The following GGT7 variants were observed in gnomAD, a reference collection of about 807,000 sequenced individuals.
GGT7 encodes gamma-glutamyltransferase 7.
GGT7 carries 30 observed loss-of-function variants against 69.2 expected under a neutral mutation model. That is an observed-to-expected ratio of 0.43 (90% CI 0.32 to 0.59). The LOEUF is 0.59. Ranked by LOEUF, GGT7 falls within the 20% of genes least tolerant of loss-of-function variation. The pLI is 0.05. For missense variants in GGT7, 733 were observed against 901.1 expected (o/e 0.81, Z 2.39); for synonymous variants, 388 against 391.8 (o/e 0.99, Z 0.12).
chr20:34,849,276 C>T (rs560840403), intron 14 of GGT7, among the ~76,000 whole-genome samples: 1 of 151,664 alleles, frequency 6.6e-6, no homozygotes, highest in Admixed American at 6.6e-5. Flanking sequence ...AATTCTCCTG[C>T]CTCAGCCTCC....
intron 1 of GGT7, among the ~76,000 whole-genome samples, chr20:34,868,313 TACCTACTATGTGC>T (rs1456215612): frequency 2.0e-5 from 3 of 152,248 alleles, no homozygotes; most frequent in Non-Finnish European, 4.4e-5. Context: ...ATTTACTGAG[TACCTACTATGTGC>T]ACTGTGGAAC....
chr20:34,870,143 G>A (rs1416914824), intron 1 of GGT7, among the ~76,000 whole-genome samples: 5 of 152,230 alleles, frequency 3.3e-5, no homozygotes, highest in Non-Finnish European at 7.3e-5. Context: ...GTGAACCGAG[G>A]AAGCCTTGGG....
rs146695300 is a variant in GGT7, at chr20:34,859,585, G to A, written c.872C>T (p.Thr291Met). The part of the protein sequence containing the change: ...PPNMSERFRE[T>M]FLPSGRPPLP... ...TGGCGGGCGGCCCGATGGCAGGAAC[G>A]TCTCCCGGAAGCGCTCGGACATGTT... Residue 291 changes from threonine (T) to methionine (M), a missense_variant, in exon 7 of 15, where the codon ACG (threonine) becomes ATG (methionine). Transcript: ENST00000336431. 2.2e-4 allele frequency: 347 copies of A among 1,603,328 alleles called. No individual in the cohort carries two copies. The highest frequency in any genetic ancestry group is 2.9e-4 in the Non-Finnish European group (335 of 1,175,256).
rs1261824323 is a variant in GGT7 at position 34,857,116 on chromosome 20, G to A, written c.1015-223C>T. 2.0e-5 allele frequency among the ~76,000 whole-genome samples: 3 copies of A among 152,094 alleles called. No homozygotes were observed. The South Asian group carries it at 6.2e-4, about 32-fold the overall frequency. ...CCTATCATGTGCCAGGCATCACACTGGGTACATTCCATGAATGACCTCCTT... is the reference window on the plus strand; with the variant it reads ...CCTATCATGTGCCAGGCATCACACTAGGTACATTCCATGAATGACCTCCTT... On this transcript the variant is annotated intron_variant, in intron 7 of 14. Transcript: ENST00000336431.
At position 34,872,707 on chromosome 20, in the gene GGT7, G is replaced by A; in HGVS notation, c.109C>T (p.Pro37Ser). The change falls in exon 1 of 15, where the codon CCC (proline) becomes TCC (serine). Residue 37 changes from proline to serine, a missense_variant. Coordinates refer to ENST00000336431, the MANE Select transcript of GGT7 (RefSeq NM_178026.3). ...TTGCGGCCCCTCAGCGGGGCCGCGG[G>A]CGCCGGCTCGTCCTCGGGCAGCCGC... ...FPRLPEDEPAPAAPLRGRKDE... is the reference protein window; with the variant it reads ...FPRLPEDEPASAAPLRGRKDE... The A allele has an allele frequency of 6.7e-7, 1 of 1,487,400 alleles. No individual in the cohort carries two copies. The highest frequency in any genetic ancestry group is 8.9e-7 in the Non-Finnish European group (1 of 1,122,932). 92.1% of individuals were successfully genotyped at this position (1,487,400 alleles called of 1,614,324 possible).
intron 13 of GGT7, 165 bp downstream of exon 13, chr20:34,851,066 C>G: frequency 1.3e-6 from 1 of 792,306 alleles, no homozygotes; most frequent in South Asian, 1.6e-5. Context: ...AGAAACTCAG[C>G]GCAGCCCATG....
Position 34,845,123 on chromosome 20 carries a change from A to G in GGT7, c.*205T>C. 2.6e-6 allele frequency: 1 copy of G among 389,054 alleles called. No homozygotes were observed. 24.1% of individuals were successfully genotyped at this position (389,054 alleles called of 1,614,324 possible). On this transcript the variant is annotated 3_prime_UTR_variant, in exon 15 of 15. Transcript: ENST00000336431. ...GTAGATGCTGACACTCACCACCACCACCACCACCACCACCACCACCACCAC... is the reference window on the plus strand; with the variant it reads ...GTAGATGCTGACACTCACCACCACCGCCACCACCACCACCACCACCACCAC...
rs758733974 is a variant in GGT7 at position 34,863,500 on chromosome 20, G to A, written c.218C>T (p.Ser73Leu). The change falls in exon 2 of 15, where the codon TCG becomes TTG. Residue 73 changes from serine (S) to leucine (L), a missense_variant. Coordinates refer to ENST00000336431, the MANE Select transcript of GGT7 (RefSeq NM_178026.3). The surrounding 1 kb of genome is among the most constrained non-coding windows in gnomAD (Gnocchi z 4.4). ...KSARLQRLPS[S>L]SSEMGSQDGS... ...GTCTTGGCTGCCCATCTCCGACGAC[G>A]ACGATGGCAGCCGCTGCAGCCGTGC... 4.4e-6 allele frequency: 7 copies of A among 1,601,118 alleles called. No individual in the cohort carries two copies. Among genetic ancestry groups the A allele is most frequent in the Non-Finnish European group, 3.4e-6 (4 of 1,174,210 alleles).
At chr20:34,864,794 G>A (rs1260554784) in intron 1 of GGT7, among the ~76,000 whole-genome samples, 1 of 151,720 alleles carries the variant, frequency 6.6e-6, no homozygotes. Flanking sequence ...TTTACCCTAA[G>A]GACTATGGGA....
chr20:34,849,560 T>C (rs1437583395), intron 14 of GGT7, among the ~76,000 whole-genome samples: 3 of 152,200 alleles, frequency 2.0e-5, no homozygotes, highest in Non-Finnish European at 4.4e-5. Context: ...GCTTTGACAG[T>C]TGGCAGAGCA....
In GGT7 at chr20:34,856,801, G is replaced by A. The variant is rs1207830003; in HGVS notation, c.1102+5C>T. On this transcript the variant is annotated splice_donor_5th_base_variant and intron_variant, in intron 8 of 14. Transcript: ENST00000336431. ...GGGGACCCTGGGAGCCGGGGGAGAGGTCACCTCTGTACACGCCACACACAG... is the reference window on the plus strand; with the variant it reads ...GGGGACCCTGGGAGCCGGGGGAGAGATCACCTCTGTACACGCCACACACAG... 3 of 1,580,020 alleles carry A rather than the reference G, an allele frequency of 1.9e-6. No individual in the cohort carries two copies. Among genetic ancestry groups the A allele is most frequent in the East Asian group, 2.2e-5 (1 of 44,532 alleles).
rs191585680 is a variant in GGT7 at position 34,860,820 on chromosome 20, G to T, written c.676-499C>A. On this transcript the variant is annotated intron_variant, in intron 4 of 14. Transcript: ENST00000336431. Reference sequence around the variant, plus strand: ...AAGTCTCACTATGTCACTCAGGCTGGTCTCAAACTCCTGGCCTCAAGCAAT... The same window carrying T: ...AAGTCTCACTATGTCACTCAGGCTGTTCTCAAACTCCTGGCCTCAAGCAAT... Among the ~76,000 whole-genome samples, 332 of 152,152 alleles carry T rather than the reference G, an allele frequency of 2.2e-3. 1 individual carries two copies. The highest frequency in any genetic ancestry group is 7.7e-3 in the African/African-American group (318 of 41,494).
intron 7 of GGT7, among the ~76,000 whole-genome samples, chr20:34,857,654 G>A (rs1319486368): frequency 5.4e-5 from 6 of 111,812 alleles, no homozygotes; most frequent in Admixed American, 1.3e-4. Context: ...GTCTCATTCT[G>A]TCGCCCAGGC....
Position 34,845,487 on chromosome 20 carries a change from C to A in GGT7, c.1830G>T (p.Glu610Asp), listed in dbSNP as rs1475615020. ...GGAACTCAATCTCTTCCTCTGTGAA[C>A]TCACCTGAAAACCATCCCCGACATA... Reference protein sequence around the residue: ...LQSNLLQVDSEFTEEEIEFLE... With the variant: ...LQSNLLQVDSDFTEEEIEFLE... Residue 610 changes from glutamate to aspartate, a missense_variant, in exon 15 of 15, where the codon GAG becomes GAT. By Grantham distance (45) the Glu-to-Asp change is conservative. Coordinates refer to ENST00000336431, the MANE Select transcript of GGT7 (RefSeq NM_178026.3). 6.2e-7 allele frequency: 1 copy of A among 1,613,752 alleles called. No individual in the cohort carries two copies. Among genetic ancestry groups the A allele is most frequent in the Admixed American group, 1.7e-5 (1 of 60,004 alleles).
At position 34,863,644 on chromosome 20, in the gene GGT7, T is replaced by C; in HGVS notation, c.170-96A>G. On this transcript the variant is annotated intron_variant, in intron 1 of 14. Transcript: ENST00000336431. The surrounding 1 kb of genome is among the most constrained non-coding windows in gnomAD (Gnocchi z 4.4). ...TTCAGCGCTTTCCCTGCCCCGCCCC[T>C]GCCACACAATCCCCGCACTGGCTAG... 1 of 821,744 alleles carries C rather than the reference T, an allele frequency of 1.2e-6. No homozygotes were observed. Among genetic ancestry groups the C allele is most frequent in the South Asian group, 1.4e-5 (1 of 69,038 alleles). 50.9% of individuals were successfully genotyped at this position (821,744 alleles called of 1,614,324 possible). A position where few individuals can be genotyped will look rare whatever the true frequency, so the allele number is the denominator to read the frequency against.
chr20:34,855,717 G>C (rs2079478978), intron 8 of GGT7, among the ~76,000 whole-genome samples: 1 of 152,044 alleles, frequency 6.6e-6, no homozygotes, highest in African/African-American at 2.4e-5. Flanking sequence ...GCTTGTTCAA[G>C]GTAAATGGCA....
chr20:34,847,623 TCTC>T (rs1372786961), intron 14 of GGT7, among the ~76,000 whole-genome samples: 1 of 152,230 alleles, frequency 6.6e-6, no homozygotes, highest in Non-Finnish European at 1.5e-5. Flanking sequence ...CGCTTCCTAA[TCTC>T]CTTCTTTAAT....
At chr20:34,846,599 C>T (rs1027127916) in intron 14 of GGT7, among the ~76,000 whole-genome samples, 12 of 152,072 alleles carry the variant, frequency 7.9e-5, no homozygotes, top group South Asian at 2.1e-4. Context: ...CGTGAGCCAC[C>T]GCGCCTGGCC....
Position 34,863,418 on chromosome 20 carries a change from G to A in GGT7, c.300C>T (p.Cys100=). 2 of 1,613,730 alleles carry A rather than the reference G, an allele frequency of 1.2e-6. No homozygotes were observed. The highest frequency in any genetic ancestry group is 1.7e-6 in the Non-Finnish European group (2 of 1,179,962). Residue 100 remains cysteine, a synonymous_variant, in exon 2 of 15, where the codon TGC becomes TGT. Transcript: ENST00000336431. This position sits in a 1 kb window ranked among gnomAD's most constrained non-coding sequence, Gnocchi z 4.4. ...KDPFSAAAAE[C]SCRQDGLTVI... ...CCGTGAGCCCATCCTGGCGGCAGGA[G>A]CACTCGGCCGCTGCGGCGGAGAACG...
Sources: gnomAD v4.1 joint callset for allele counts (sites outside exome capture counted in the v4.1 genomes callset) on GRCh38, gnomAD v4.1.1 for gene constraint, Gnocchi (gnomAD v3.1) non-coding constraint, MANE v1.5 for transcripts, NCBI Gene and HGNC (gene_info 2026-07-23, HGNC 2026-07-21) for gene names.